COL5A2: variants seen among roughly 807,000 people sequenced by gnomAD.
COL5A2 encodes the protein collagen alpha-2(V) chain.
COL5A2 carries 23 observed loss-of-function variants against 208.2 expected under a neutral mutation model. The observed-to-expected ratio is 0.11, with a 90% CI of 0.08 to 0.16. COL5A2 has a LOEUF of 0.16. Ranked by LOEUF, COL5A2 falls within the 10% of genes least tolerant of loss-of-function variation. The pLI, the probability that COL5A2 is intolerant of heterozygous loss-of-function variation, is 1.00. For synonymous variants in COL5A2, 625 were observed against 628.5 expected, an observed-to-expected ratio of 0.99 and a Z score of 0.08; for missense variants, 1,590 against 1,956.4, an observed-to-expected ratio of 0.81 and a Z score of 3.53.
chr2:189,264,878 C>T, the COL5A2 span, among the ~76,000 whole-genome samples: 145,071 of 152,256 alleles, frequency 0.95, 69,142 homozygotes, highest in East Asian at 1. Context: ...AGCTAAATTA[C>T]TGCACAAGCT....
intron 1 of COL5A2, among the ~76,000 whole-genome samples, chr2:189,144,034 G>GA (rs905878008): frequency 1.3e-5 from 2 of 151,566 alleles, no homozygotes; most frequent in African/African-American, 2.4e-5. Context: ...TTTAGAGGAG[G>GA]AAAAAAAAGA....
chr2:189,121,931 C>CTAAAAGTT (rs1032808148), intron 1 of COL5A2, among the ~76,000 whole-genome samples: 5 of 151,972 alleles, frequency 3.3e-5, no homozygotes, highest in African/African-American at 1.2e-4. Flanking sequence ...AATACCCATA[C>CTAAAAGTT]TAAAAGTTTA....
At chr2:189,289,945 G>T in the COL5A2 span, among the ~76,000 whole-genome samples, 1 of 152,112 alleles carries the variant, frequency 6.6e-6, no homozygotes. Flanking sequence ...CCTATCAAAA[G>T]TTCAATGACA....
chr2:189,214,707 CAA>C (rs1689257201), intron 1 of COL5A2, among the ~76,000 whole-genome samples: 3 of 152,132 alleles, frequency 2.0e-5, no homozygotes, highest in African/African-American at 7.2e-5. Context: ...GCAGGCAAGA[CAA>C]AAGAGTTCAT....
chr2:189,068,683 T>C, intron 19 of COL5A2, 103 bp downstream of exon 19: 2 of 822,246 alleles, frequency 2.4e-6, no homozygotes. Flanking sequence ...CCTAAATATG[T>C]ACAAATATTA....
At chr2:189,342,564 AAAAC>A in the COL5A2 span, among the ~76,000 whole-genome samples, 16 of 119,520 alleles carry the variant, frequency 1.3e-4, no homozygotes, top group Non-Finnish European at 3.1e-4. Flanking sequence ...AATGAAAGCA[AAAAC>A]AAACAAAAAA....
the COL5A2 span, among the ~76,000 whole-genome samples, chr2:189,263,408 T>C: frequency 6.6e-6 from 1 of 152,134 alleles, no homozygotes; most frequent in Non-Finnish European, 1.5e-5. Flanking sequence ...CAGTAGACAA[T>C]ATATACAATG....
At chr2:189,268,344 A>G in the COL5A2 span, among the ~76,000 whole-genome samples, 1 of 152,136 alleles carries the variant, frequency 6.6e-6, no homozygotes, top group African/African-American at 2.4e-5. Flanking sequence ...CAGTAGTTCC[A>G]GCACCATTTC....
chr2:189,062,804 C>T lies in COL5A2; in HGVS notation c.1977+61G>A, dbSNP rs79568088. On this transcript the variant is annotated intron_variant, in intron 29 of 53. Coordinates refer to ENST00000374866, the MANE Select transcript of COL5A2 (RefSeq NM_000393.5). ...CCCATAAGTCTTGAACAAACATCAT[C>T]GAAAAAATGCAATGTGTGTATATAT... 3,404 of 1,596,656 alleles carry T rather than the reference C, an allele frequency of 2.1e-3. 50 individuals are homozygous for T. The African/African-American group carries it at 0.033, about 16-fold the overall frequency.
rs114398386 is a variant in COL5A2 at position 189,040,073 on chromosome 2, G to T, written c.3634-510C>A. Among the ~76,000 whole-genome samples, 273 of 152,294 alleles carry T rather than the reference G, an allele frequency of 1.8e-3. 1 individual carries two copies. Among genetic ancestry groups the T allele is most frequent in the African/African-American group, 6.3e-3 (262 of 41,558 alleles). The stretch of plus-strand genomic sequence containing the variant: ...TATACTCCTACTTCTAAAAGAGAGG[G>T]AGAGAAACACAGGAAGTCCTTTTAT... On this transcript the variant is annotated intron_variant, in intron 50 of 53. Coordinates refer to ENST00000374866, the MANE Select transcript of COL5A2 (RefSeq NM_000393.5).
chr2:189,111,137 CA>C (rs1687251637), intron 1 of COL5A2, among the ~76,000 whole-genome samples: 1 of 151,814 alleles, frequency 6.6e-6, no homozygotes, highest in African/African-American at 2.4e-5. Context: ...AAACCATAGC[CA>C]AAATAATACA....
chr2:189,353,502 T>A, the COL5A2 span, among the ~76,000 whole-genome samples: 2 of 152,192 alleles, frequency 1.3e-5, no homozygotes, highest in African/African-American at 2.4e-5. Context: ...AAAAGGTCCT[T>A]CACATCCCTT....
At chr2:189,133,406 C>G (rs979264236) in intron 1 of COL5A2, among the ~76,000 whole-genome samples, 1 of 151,998 alleles carries the variant, frequency 6.6e-6, no homozygotes, top group Non-Finnish European at 1.5e-5. Context: ...CAAGCGTGAG[C>G]CACCACACCC....
chr2:189,045,322 T>C, intron 46 of COL5A2, 90 bp from the exon 47 acceptor site: 2 of 792,886 alleles, frequency 2.5e-6, no homozygotes, highest in Non-Finnish European at 2.2e-6. Flanking sequence ...ACGTTTATAG[T>C]TGGATGCATA....
At chr2:189,406,028 A>T in the COL5A2 span, among the ~76,000 whole-genome samples, 1 of 152,354 alleles carries the variant, frequency 6.6e-6, no homozygotes, top group South Asian at 2.1e-4. Context: ...AAAGGAAAAT[A>T]TATAGATAGC....
chr2:189,319,152 T>G, the COL5A2 span, among the ~76,000 whole-genome samples: 3 of 152,160 alleles, frequency 2.0e-5, no homozygotes, highest in East Asian at 5.8e-4. Flanking sequence ...TTTGAATAAA[T>G]TGTTAAAATA....
chr2:189,275,439 G>A, the COL5A2 span, among the ~76,000 whole-genome samples: 4 of 140,358 alleles, frequency 2.8e-5, no homozygotes, highest in Admixed American at 1.5e-4. Flanking sequence ...TTTTAATTAC[G>A]TTAGTTTTCT....
chr2:189,389,567 T>C, the COL5A2 span, among the ~76,000 whole-genome samples: 5 of 152,186 alleles, frequency 3.3e-5, no homozygotes, highest in African/African-American at 7.2e-5. Context: ...ATCTTTAGTG[T>C]AGAATCACTC....
the COL5A2 span, among the ~76,000 whole-genome samples, chr2:189,379,674 C>T: frequency 1.3e-5 from 2 of 152,100 alleles, no homozygotes; most frequent in African/African-American, 4.8e-5. Flanking sequence ...TATGAAGCAA[C>T]CAAGGCTCAG....
Sources: allele counts gnomAD v4.1 joint callset (sites outside exome capture counted in the v4.1 genomes callset), GRCh38; gene constraint gnomAD v4.1.1; transcripts MANE v1.5; gene names NCBI Gene and HGNC (gene_info 2026-07-23, HGNC 2026-07-21).